The following SPATA31D1 variants were observed in gnomAD, a reference collection of about 807,000 sequenced individuals.
The protein encoded by SPATA31D1 is spermatogenesis-associated protein 31D1.
In SPATA31D1, 6 loss-of-function variants were observed where a neutral mutation model predicts 13.2. The ratio of observed to expected loss-of-function variants is 0.46; its 90% CI spans 0.25 to 0.90. The LOEUF (loss-of-function observed/expected upper bound fraction) is 0.90. SPATA31D1 is among the 40% of genes least tolerant of loss of function. SPATA31D1 has a pLI of 0.18. For missense variants in SPATA31D1, 2,445 were observed against 1,884.7 expected (o/e 1.30, Z -5.50); for synonymous variants, 903 against 718.8 (o/e 1.26, Z -4.10).
At chr9:81,988,660 G>C, upstream of SPATA31D1, 1 of 1,166,756 alleles carries the variant, frequency 8.6e-7, no homozygotes, top group South Asian at 1.6e-5. Context: ...AGCTGGGCTG[G>C]TGGGGTTGGG....
Position 81,994,937 on chromosome 9 carries a change from TAGAC to T in SPATA31D1, c.4471_4474del (p.Gln1491SerfsTer2). The T allele has an allele frequency of 6.2e-7, 1 of 1,613,984 alleles. No individual in the cohort carries two copies. Among genetic ancestry groups the T allele is most frequent in the South Asian group, 1.1e-5 (1 of 91,070 alleles). The stretch of plus-strand genomic sequence containing the variant: ...TTGGCCAGAATTATCCTACAAGGAT[TAGAC>T]AGATCATAGACAAGGACAGACAGCC... On this transcript the variant is annotated frameshift_variant, in exon 4 of 4. Coordinates refer to ENST00000344803, the MANE Select transcript of SPATA31D1 (RefSeq NM_001001670.3). LOFTEE classifies it low-confidence loss of function (END_TRUNC).
At position 81,993,290 on chromosome 9, in the gene SPATA31D1, C is replaced by A; in HGVS notation, c.2820C>A (p.Ser940=). 1 of 1,613,960 alleles carries A rather than the reference C, an allele frequency of 6.2e-7. No homozygotes were observed. The highest frequency in any genetic ancestry group is 8.5e-7 in the Non-Finnish European group (1 of 1,179,884). ...AAGCGGACCTTTCCACTTCCTTTTC[C>A]CATTTCGACCTTCCCTCCTCAGCCA... ...KSKADLSTSF[S]HFDLPSSATF... is the part of the protein sequence containing the mutation. Residue 940 remains serine (S), a synonymous_variant, in exon 4 of 4, where the codon TCC becomes TCA. Coordinates refer to ENST00000344803, the MANE Select transcript of SPATA31D1 (RefSeq NM_001001670.3).
rs1224750918 is a variant in SPATA31D1, at chr9:81,990,769, G to T, written c.303-4G>T. On this transcript the variant is annotated splice_region_variant and splice_polypyrimidine_tract_variant and intron_variant, in intron 3 of 3. Coordinates refer to ENST00000344803, the MANE Select transcript of SPATA31D1 (RefSeq NM_001001670.3). The stretch of plus-strand genomic sequence containing the variant: ...TCCTTTCCTTGTTCTGGTCCTGACT[G>T]CAGCTTTGGACCTCCTGTTTCCTGC... 1 of 1,604,266 alleles carries T rather than the reference G, an allele frequency of 6.2e-7. No individual in the cohort carries two copies. Among genetic ancestry groups the T allele is most frequent in the African/African-American group, 1.3e-5 (1 of 74,858 alleles).
At position 81,993,908 on chromosome 9, in the gene SPATA31D1, C is replaced by T; in HGVS notation, c.3438C>T (p.Thr1146=). Residue 1146 remains threonine, a synonymous_variant, in exon 4 of 4, where the codon ACC becomes ACT. Transcript: ENST00000344803. ...ACAGGCTTCAGGGCAGTAGAAAGAC[C>T]TTTCCTGTCACCAATGCTCTTCAAT... The part of the protein sequence containing the change: ...NVDRLQGSRK[T]FPVTNALQSQ... 6.2e-7 allele frequency: 1 copy of T among 1,613,918 alleles called. No homozygotes were observed. Among genetic ancestry groups the T allele is most frequent in the Non-Finnish European group, 8.5e-7 (1 of 1,179,844 alleles).
Position 81,992,077 on chromosome 9 carries a change from C to A in SPATA31D1, c.1607C>A (p.Thr536Lys). 2 of 1,613,756 alleles carry A rather than the reference C, an allele frequency of 1.2e-6. No homozygotes were observed. Among genetic ancestry groups the A allele is most frequent in the Non-Finnish European group, 8.5e-7 (1 of 1,179,730 alleles). Residue 536 changes from threonine (T) to lysine (K), a missense_variant, in exon 4 of 4, where the codon ACA becomes AAA. By Grantham distance (78) the Thr-to-Lys change is moderately conservative. Transcript: ENST00000344803. ...ATGTTTGTATTCTTCAATGGCATTA[C>A]AAATACATCTATATCCCATGAATCC... ...SSMFVFFNGI[T>K]NTSISHESPV...
rs772943048 is a variant in SPATA31D1, at chr9:81,994,639, G to T, written c.4169G>T (p.Arg1390Leu). The stretch of plus-strand genomic sequence containing the variant: ...TCATCATGTGTGCAGAATATTGGTC[G>T]AGTTATAAGAGCTGCCTTTACTGGG... ...SLSSCVQNIGRVIRAAFTGTT... is the reference protein window; with the variant it reads ...SLSSCVQNIGLVIRAAFTGTT... Residue 1390 changes from arginine (R) to leucine (L), a missense_variant, in exon 4 of 4, where the codon CGA becomes CTA. Arg to Leu is a moderately radical substitution (Grantham distance 102, BLOSUM62 -2). Coordinates refer to ENST00000344803, the MANE Select transcript of SPATA31D1 (RefSeq NM_001001670.3). 1.9e-6 allele frequency: 3 copies of T among 1,613,178 alleles called. No individual in the cohort carries two copies. Among genetic ancestry groups the T allele is most frequent in the Non-Finnish European group, 2.5e-6 (3 of 1,179,514 alleles).
At chr9:81,989,747 C>T in intron 1 of SPATA31D1, 31 bp from the exon 2 acceptor site, 1 of 1,612,850 alleles carries the variant, frequency 6.2e-7, no homozygotes, top group Non-Finnish European at 8.5e-7. Flanking sequence ...AAGTGAGTCC[C>T]AGCCTGTCAT....
rs1825007385 is a variant in SPATA31D1, at chr9:81,992,924, G to A, written c.2454G>A (p.Gly818=). The change falls in exon 4 of 4, where the codon GGG becomes GGA. Residue 818 remains glycine (G), a synonymous_variant. Transcript: ENST00000344803. ...TGCATCTGTCAGGGAATGACTCAGG[G>A]GTGAGACTAGGTCAGAAACAACTTG... ...HMMHLSGNDS[G]VRLGQKQLEN... is the part of the protein sequence containing the mutation. 1.9e-6 allele frequency: 3 copies of A among 1,613,774 alleles called. No individual in the cohort carries two copies. In the East Asian group the frequency reaches 6.7e-5, roughly 36 times the overall value.
rs544787382 is a variant in SPATA31D1, at chr9:81,989,913, G to T, written c.232+90G>T. 29 of 1,431,986 alleles carry T rather than the reference G, an allele frequency of 2.0e-5. No individual in the cohort carries two copies. In the South Asian group the frequency reaches 3.1e-4, roughly 15 times the overall value. The allele number at this position is 1,431,986 out of a possible 1,614,324, so 88.7% of individuals were successfully genotyped here. Reference sequence around the variant, plus strand: ...AGTCCCATGATTTCTTAGAATGTCAGTTACTAGATGCAGTCTTAGAAAACA... The same window carrying T: ...AGTCCCATGATTTCTTAGAATGTCATTTACTAGATGCAGTCTTAGAAAACA... On this transcript the variant is annotated intron_variant, in intron 2 of 3. Coordinates refer to ENST00000344803, the MANE Select transcript of SPATA31D1 (RefSeq NM_001001670.3).
Position 81,993,829 on chromosome 9 carries a change from C to G in SPATA31D1, c.3359C>G (p.Ala1120Gly), listed in dbSNP as rs772341753. 6.2e-7 allele frequency: 1 copy of G among 1,614,020 alleles called. No individual in the cohort carries two copies. Among genetic ancestry groups the G allele is most frequent in the South Asian group, 1.1e-5 (1 of 91,088 alleles). Residue 1120 changes from alanine to glycine, a missense_variant, in exon 4 of 4, where the codon GCT becomes GGT. Ala to Gly is a moderately conservative substitution (Grantham distance 60). Transcript: ENST00000344803. Reference protein sequence around the residue: ...RCSAELPIMQAGAGCESWDKR... With the variant: ...RCSAELPIMQGGAGCESWDKR... ...AGCGCAGAGCTGCCCATAATGCAAG[C>G]TGGAGCTGGCTGTGAGTCATGGGAT... is the stretch of plus-strand genomic sequence containing the variant.
chr9:81,989,055 C>G lies in SPATA31D1; in HGVS notation c.186+51C>G, dbSNP rs189422847. 5.7e-6 allele frequency: 9 copies of G among 1,591,594 alleles called. No homozygotes were observed. The South Asian group carries it at 5.7e-5, about 10-fold the overall frequency. Reference sequence around the variant, plus strand: ...AGAGAGATGCCCTGTTGTTGTTTCCCAATCCTATTCCAACATTTCTAAATA... The same window carrying G: ...AGAGAGATGCCCTGTTGTTGTTTCCGAATCCTATTCCAACATTTCTAAATA... On this transcript the variant is annotated intron_variant, in intron 1 of 3. Transcript: ENST00000344803.
In SPATA31D1 at chr9:81,994,254, A is replaced by G; in HGVS notation, c.3784A>G (p.Ser1262Gly). The change falls in exon 4 of 4, where the codon AGC becomes GGC. Residue 1262 changes from serine (S) to glycine (G), a missense_variant. By Grantham distance (56) the Ser-to-Gly change is moderately conservative (BLOSUM62 0). Coordinates refer to ENST00000344803, the MANE Select transcript of SPATA31D1 (RefSeq NM_001001670.3). ...GGTGGTGCATGTCCACTTGGAGGAC[A>G]GCGGAATCCGTGTGGCACAGAAGCA... ...SQVVHVHLEDSGIRVAQKQEP... is the reference protein window; with the variant it reads ...SQVVHVHLEDGGIRVAQKQEP... The G allele has an allele frequency of 6.2e-7, 1 of 1,614,024 alleles. No individual in the cohort carries two copies. The highest frequency in any genetic ancestry group is 8.5e-7 in the Non-Finnish European group (1 of 1,179,898).
In SPATA31D1 at chr9:81,988,951, G is replaced by A. The variant is rs184147253; in HGVS notation, c.133G>A (p.Val45Met). The change falls in exon 1 of 4, where the codon GTG (valine) becomes ATG (methionine). Residue 45 changes from valine (V) to methionine (M), a missense_variant. By Grantham distance (21) the Val-to-Met change is conservative. Transcript: ENST00000344803. ...LGLFILYLFY[V>M]VLTLYSSPTE... ...GTTGTTTATACTGTACTTGTTCTAC[G>A]TGGTATTGACCCTGTATTCGTCACC... The A allele has an allele frequency of 8.6e-5, 139 of 1,612,076 alleles. No homozygotes were observed. Among genetic ancestry groups the A allele is most frequent in the Middle Eastern group, 2.1e-4 (1 of 4,738 alleles).
Position 81,991,332 on chromosome 9 carries a change from C to T in SPATA31D1, c.862C>T (p.Pro288Ser), listed in dbSNP as rs376216540. Residue 288 changes from proline to serine, a missense_variant, in exon 4 of 4, where the codon CCC (proline) becomes TCC (serine). Pro to Ser is a moderately conservative substitution (Grantham distance 74, BLOSUM62 -1). Coordinates refer to ENST00000344803, the MANE Select transcript of SPATA31D1 (RefSeq NM_001001670.3). ...CCAAGATATTTCGCAGGCCATGAAT[C>T]CCATTGATTCTTGTGCTCGTCATCA... ...LCQDISQAMN[P>S]IDSCARHHGP... 2 of 1,614,030 alleles carry T rather than the reference C, an allele frequency of 1.2e-6. No individual in the cohort carries two copies. Among genetic ancestry groups the T allele is most frequent in the Non-Finnish European group, 1.7e-6 (2 of 1,179,890 alleles).
Position 81,993,538 on chromosome 9 carries a change from C to T in SPATA31D1, c.3068C>T (p.Thr1023Ile), listed in dbSNP as rs755882896. The change falls in exon 4 of 4, where the codon ACA (threonine) becomes ATA (isoleucine). Residue 1023 changes from threonine (T) to isoleucine (I), a missense_variant. Transcript: ENST00000344803. Reference sequence around the variant, plus strand: ...ACAGATTCCAAAGACGGGGCCTCCACATCCCTTAGAAGAGGTACTACAGAT... The same window carrying T: ...ACAGATTCCAAAGACGGGGCCTCCATATCCCTTAGAAGAGGTACTACAGAT... ...IETDSKDGAS[T>I]SLRRGTTDFQ... 5 of 1,613,842 alleles carry T rather than the reference C, an allele frequency of 3.1e-6. No individual in the cohort carries two copies. Among genetic ancestry groups the T allele is most frequent in the Middle Eastern group, 1.6e-4 (1 of 6,062 alleles).
chr9:81,994,679 G>A lies in SPATA31D1; in HGVS notation c.4209G>A (p.Gln1403=), dbSNP rs1179864667. ...RAAFTGTTEA[Q]KIRKDTREFL... ...CCTTTACTGGGACTACTGAAGCTCA[G>A]AAAATTAGGAAAGACACTAGGGAGT... is the stretch of plus-strand genomic sequence containing the variant. Residue 1403 remains glutamine, a synonymous_variant, in exon 4 of 4, where the codon CAG becomes CAA. Coordinates refer to ENST00000344803, the MANE Select transcript of SPATA31D1 (RefSeq NM_001001670.3). 1 of 1,613,572 alleles carries A rather than the reference G, an allele frequency of 6.2e-7. No individual in the cohort carries two copies. Among genetic ancestry groups the A allele is most frequent in the Non-Finnish European group, 8.5e-7 (1 of 1,179,696 alleles).
At chr9:81,987,561 G>C (rs1212150507), upstream of SPATA31D1, among the ~76,000 whole-genome samples, 2 of 150,230 alleles carry the variant, frequency 1.3e-5, no homozygotes, top group East Asian at 1.9e-4. Flanking sequence ...TGTTTGTGTA[G>C]AGAGTATGTT....
In SPATA31D1 at chr9:81,993,708, C is replaced by T. The variant is rs187787460; in HGVS notation, c.3238C>T (p.Arg1080Trp). ...DTDNDLTESV[R>W]TTEDGRQTFL... ...TGACAATGATCTTACAGAAAGTGTC[C>T]GGACAACAGAGGATGGCAGACAGAC... is the stretch of plus-strand genomic sequence containing the variant. Residue 1080 changes from arginine to tryptophan, a missense_variant, in exon 4 of 4, where the codon CGG becomes TGG. Coordinates refer to ENST00000344803, the MANE Select transcript of SPATA31D1 (RefSeq NM_001001670.3). The T allele has an allele frequency of 2.3e-3, 3,781 of 1,613,928 alleles. 86 individuals are homozygous for T. Among genetic ancestry groups the T allele is most frequent in the Non-Finnish European group, 5.0e-4 (585 of 1,179,878 alleles).
Position 81,993,053 on chromosome 9 carries a change from G to A in SPATA31D1, c.2583G>A (p.Met861Ile), listed in dbSNP as rs747865189. Residue 861 changes from methionine to isoleucine, a missense_variant, in exon 4 of 4, where the codon ATG becomes ATA. Met to Ile is a conservative substitution (Grantham distance 10, BLOSUM62 1). Coordinates refer to ENST00000344803, the MANE Select transcript of SPATA31D1 (RefSeq NM_001001670.3). ...HSSWHSVKQT[M>I]SLPEKSHSQI... ...CATGGCACTCAGTCAAGCAGACAAT[G>A]TCTCTTCCTGAGAAATCCCACAGCC... is the stretch of plus-strand genomic sequence containing the variant. The A allele has an allele frequency of 4.5e-5, 72 of 1,613,788 alleles. No individual in the cohort carries two copies. The highest frequency in any genetic ancestry group is 5.3e-5 in the Non-Finnish European group (63 of 1,179,730).
Sources: allele counts gnomAD v4.1 joint callset (sites outside exome capture counted in the v4.1 genomes callset), GRCh38; gene constraint gnomAD v4.1.1; transcripts MANE v1.5; gene names NCBI Gene and HGNC (gene_info 2026-07-23, HGNC 2026-07-21).